Variants in GAS7 observed in about 807,000 individuals in gnomAD.
GAS7 encodes growth arrest specific 7.
Under a neutral mutation model 71.1 loss-of-function variants are expected in GAS7, and 28 were observed. The ratio of observed to expected loss-of-function variants is 0.39; its 90% CI spans 0.29 to 0.54. The LOEUF is 0.54. Ranked by LOEUF, GAS7 falls within the 20% of genes least tolerant of loss-of-function variation. The probability of loss-of-function intolerance (pLI) is 0.62; values close to 1 mark genes in which losing one functional copy is unlikely to be tolerated. For missense variants in GAS7, 436 were observed against 627.8 expected (o/e 0.69, Z 3.27); for synonymous variants, 258 against 245.8 (o/e 1.05, Z -0.46).
In GAS7 at chr17:10,179,450, G is replaced by A. The variant is rs149774190; in HGVS notation, c.183+18758C>T. 2.8e-4 allele frequency among the ~76,000 whole-genome samples: 43 copies of A among 151,436 alleles called. No homozygotes were observed. In the East Asian group the frequency reaches 7.0e-3, roughly 25 times the overall value. On this transcript the variant is annotated intron_variant, in intron 1 of 13. Transcript: ENST00000432992. ...GATGCAATCTGTTGCAGAAAACTCC[G>A]TGTTTCCAAGCTGGTTTATCTGTCA...
intron 11 of GAS7, among the ~76,000 whole-genome samples, chr17:9,924,226 T>A (rs966510519): frequency 6.6e-6 from 1 of 152,230 alleles, no homozygotes; most frequent in African/African-American, 2.4e-5. Context: ...CAGGCTGGAA[T>A]GCAATGGTGT....
In GAS7 at chr17:10,103,067, C is replaced by A. The variant is rs561764628; in HGVS notation, c.184-83170G>T. Among the ~76,000 whole-genome samples the A allele has an allele frequency of 6.6e-6, 1 of 152,048 alleles. No individual in the cohort carries two copies. The highest frequency in any genetic ancestry group is 2.4e-5 in the African/African-American group (1 of 41,404). ...ATGCAGAATCTGCATTTTAACAAAC[C>A]CTGACCGGACGTAGTGGCTCACACC... On this transcript the variant is annotated intron_variant, in intron 1 of 13. Transcript: ENST00000432992. The surrounding 1 kb of genome is among the most constrained non-coding windows in gnomAD (Gnocchi z 5.5).
Position 9,974,320 on chromosome 17 carries a change from T to C in GAS7, c.386-4558A>G, listed in dbSNP as rs181222779. On this transcript the variant is annotated intron_variant, in intron 3 of 13. Coordinates refer to ENST00000432992, the MANE Select transcript of GAS7 (RefSeq NM_201433.2). This position sits in a 1 kb window ranked among gnomAD's most constrained non-coding sequence, Gnocchi z 4.0. ...ATCTAGACAGTTATAGCCCACAAGA[T>C]CCTGGCAACCCTCACCCACGGCATT... is the stretch of plus-strand genomic sequence containing the variant. Among the ~76,000 whole-genome samples, 31 of 152,052 alleles carry C rather than the reference T, an allele frequency of 2.0e-4. No individual in the cohort carries two copies. The East Asian group carries it at 5.6e-3, about 28-fold the overall frequency.
chr17:9,959,417 G>C lies in GAS7; in HGVS notation c.472-162C>G, dbSNP rs2069388773. On this transcript the variant is annotated intron_variant, in intron 4 of 13. Coordinates refer to ENST00000432992, the MANE Select transcript of GAS7 (RefSeq NM_201433.2). The surrounding 1 kb of genome is among the most constrained non-coding windows in gnomAD (Gnocchi z 5.0). Reference sequence around the variant, plus strand: ...GGCCAGGGCAAGCAGGGGTCTCCCTGACCCCACGCTGTTCCCACGCCCAGC... The same window carrying C: ...GGCCAGGGCAAGCAGGGGTCTCCCTCACCCCACGCTGTTCCCACGCCCAGC... 1 of 1,465,238 alleles carries C rather than the reference G, an allele frequency of 6.8e-7. No homozygotes were observed. Among genetic ancestry groups the C allele is most frequent in the Non-Finnish European group, 9.0e-7 (1 of 1,107,504 alleles). The allele number at this position is 1,465,238 out of a possible 1,614,324, so 90.8% of individuals were successfully genotyped here.
Position 9,988,280 on chromosome 17 carries a change from C to A in GAS7, c.305-6396G>T, listed in dbSNP as rs111785833. 6.3e-3 allele frequency among the ~76,000 whole-genome samples: 956 copies of A among 152,322 alleles called. 12 individuals carry two copies. Among genetic ancestry groups the A allele is most frequent in the African/African-American group, 0.022 (912 of 41,570 alleles). On this transcript the variant is annotated intron_variant, in intron 2 of 13. Coordinates refer to ENST00000432992, the MANE Select transcript of GAS7 (RefSeq NM_201433.2). The stretch of plus-strand genomic sequence containing the variant: ...TGGCCAGGTTTTTCTAGTCAGATGG[C>A]AGCCCTGCCACTCCGTTTCTCAGCC...
intron 1 of GAS7, among the ~76,000 whole-genome samples, chr17:10,076,132 G>A (rs909017559): frequency 2.4e-5 from 3 of 126,928 alleles, no homozygotes; most frequent in Non-Finnish European, 5.0e-5. Flanking sequence ...AAGGGAAAGG[G>A]AAAACGAAGG....
intron 1 of GAS7, among the ~76,000 whole-genome samples, chr17:10,176,546 G>T (rs2074375388): frequency 6.6e-6 from 1 of 152,198 alleles, no homozygotes; most frequent in African/African-American, 2.4e-5. Flanking sequence ...TGAAAAAACT[G>T]AAGGTCAGAG....
At chr17:10,024,816 A>G (rs1273171081) in intron 1 of GAS7, among the ~76,000 whole-genome samples, 2 of 152,198 alleles carry the variant, frequency 1.3e-5, no homozygotes, top group Non-Finnish European at 2.9e-5. Context: ...ACGCTATTTC[A>G]TAAGTAATAT....
Position 9,919,642 on chromosome 17 carries a change from A to G in GAS7, c.1202T>C (p.Met401Thr). 1 of 1,613,112 alleles carries G rather than the reference A, an allele frequency of 6.2e-7. No homozygotes were observed. The highest frequency in any genetic ancestry group is 8.5e-7 in the Non-Finnish European group (1 of 1,179,078). ...NQAQSKWFEE[M>T]VTTTLELERL... ...CCCGCTTACCAATGTGGTGGTCACC[A>G]TCTCTTCAAACCATTTGGACTGGGC... Residue 401 changes from methionine to threonine, a missense_variant, in exon 12 of 14, where the codon ATG becomes ACG. Physicochemically the swap from Met to Thr is moderately conservative, Grantham distance 81 (BLOSUM62 -1). Coordinates refer to ENST00000432992, the MANE Select transcript of GAS7 (RefSeq NM_201433.2). This position sits in a 1 kb window ranked among gnomAD's most constrained non-coding sequence, Gnocchi z 5.0.
chr17:10,013,555 A>G (rs1376136407), intron 2 of GAS7, among the ~76,000 whole-genome samples: 1 of 152,236 alleles, frequency 6.6e-6, no homozygotes, highest in Non-Finnish European at 1.5e-5. Context: ...GAGAGCCACA[A>G]GAAAGATGGG....
chr17:10,153,709 A>G (rs547014944), intron 1 of GAS7, among the ~76,000 whole-genome samples: 29 of 152,278 alleles, frequency 1.9e-4, no homozygotes, highest in Non-Finnish European at 3.7e-4. Context: ...TCCCACTATC[A>G]TGCCCATTTT....
At position 9,913,702 on chromosome 17, in the gene GAS7, C is replaced by T. The variant is rs2067502017; in HGVS notation, c.*3526G>A. 4.3e-6 allele frequency: 1 copy of T among 231,714 alleles called. No individual in the cohort carries two copies. Among genetic ancestry groups the T allele is most frequent in the East Asian group, 6.1e-5 (1 of 16,410 alleles). The allele number at this position is 231,714 out of a possible 1,614,324, so 14.4% of individuals were successfully genotyped here. A position where few individuals can be genotyped will look rare whatever the true frequency, so the allele number is the denominator to read the frequency against. On this transcript the variant is annotated 3_prime_UTR_variant, in exon 14 of 14. Transcript: ENST00000432992. ...GGTCCCACTGACAGAATCTCAGGGC[C>T]GCCATCCCCACGGTCCAAGGGGCCT...
chr17:10,194,713 C>T (rs747385856), intron 1 of GAS7, among the ~76,000 whole-genome samples: 4 of 152,092 alleles, frequency 2.6e-5, no homozygotes, highest in African/African-American at 4.8e-5. Flanking sequence ...GTGGCTCACG[C>T]CTGTAATCCC....
At chr17:10,023,160 C>G (rs1241847129) in intron 1 of GAS7, among the ~76,000 whole-genome samples, 1 of 152,222 alleles carries the variant, frequency 6.6e-6, no homozygotes, top group Admixed American at 6.5e-5. Flanking sequence ...CTGGGGCCAC[C>G]AGGCCCATCT....
chr17:10,157,031 A>G (rs2074210585), intron 1 of GAS7, among the ~76,000 whole-genome samples: 1 of 152,138 alleles, frequency 6.6e-6, no homozygotes, highest in Non-Finnish European at 1.5e-5. Flanking sequence ...CTCCTTCACA[A>G]AATGACATCT....
intron 5 of GAS7, among the ~76,000 whole-genome samples, chr17:9,952,341 C>T (rs1489238478): frequency 6.6e-6 from 1 of 152,152 alleles, no homozygotes; most frequent in Non-Finnish European, 1.5e-5. Flanking sequence ...GCCACAGAGC[C>T]CTGCTCTTAA....
chr17:10,030,217 G>A (rs970072402), intron 1 of GAS7, among the ~76,000 whole-genome samples: 5 of 152,188 alleles, frequency 3.3e-5, no homozygotes, highest in African/African-American at 1.2e-4. Flanking sequence ...GGCCCCGAGG[G>A]GGCAGTCAGC....
Position 9,975,558 on chromosome 17 carries a change from C to T in GAS7, c.386-5796G>A, listed in dbSNP as rs183785574. ...CCCCCCCTTTTTCCTTCCTTCCACC[C>T]GTTCTCCTTCCTCATCTATCACATA... On this transcript the variant is annotated intron_variant, in intron 3 of 13. Coordinates refer to ENST00000432992, the MANE Select transcript of GAS7 (RefSeq NM_201433.2). 1.3e-3 allele frequency among the ~76,000 whole-genome samples: 199 copies of T among 151,266 alleles called. 1 individual carries two copies. The highest frequency in any genetic ancestry group is 4.4e-3 in the African/African-American group (182 of 41,094).
chr17:9,967,261 A>T (rs543931233), intron 4 of GAS7, among the ~76,000 whole-genome samples: 1 of 151,360 alleles, frequency 6.6e-6, no homozygotes, highest in East Asian at 1.9e-4. Context: ...AATAACAACA[A>T]GTGTAAAGAA....
Sources: allele counts gnomAD v4.1 joint callset (sites outside exome capture counted in the v4.1 genomes callset), GRCh38; gene constraint gnomAD v4.1.1; non-coding constraint Gnocchi (gnomAD v3.1); transcripts MANE v1.5; gene names NCBI Gene and HGNC (gene_info 2026-07-23, HGNC 2026-07-21).